MVB12B: variants seen among roughly 807,000 people sequenced by gnomAD.
MVB12B encodes the protein multivesicular body subunit 12B.
MVB12B carries 16 observed loss-of-function variants against 41.6 expected under a neutral mutation model. That is an observed-to-expected ratio of 0.38 (90% CI 0.26 to 0.58). MVB12B has a LOEUF of 0.58. Among genes scored for constraint, MVB12B ranks in the 20% least tolerant of loss-of-function variants. MVB12B has a pLI of 0.62. For synonymous variants in MVB12B, 133 were observed against 139.7 expected, an observed-to-expected ratio of 0.95 and a Z score of 0.34; for missense variants, 274 against 380.2, an observed-to-expected ratio of 0.72 and a Z score of 2.32.
intron 7 of MVB12B, among the ~76,000 whole-genome samples, chr9:126,438,322 G>C (rs1832542573): frequency 1.3e-5 from 2 of 151,958 alleles, no homozygotes; most frequent in South Asian, 4.2e-4. Flanking sequence ...TGGTTGACTT[G>C]TCTTGATTTA....
intron 8 of MVB12B, 69 bp from the exon 9 acceptor site, chr9:126,483,904 T>C: frequency 6.6e-7 from 1 of 1,512,260 alleles, no homozygotes; most frequent in African/African-American, 1.4e-5. Flanking sequence ...ACCATTGTCA[T>C]GCATAAAAGT....
intron 1 of MVB12B, among the ~76,000 whole-genome samples, chr9:126,339,502 G>T (rs1829378254): frequency 6.6e-6 from 1 of 152,160 alleles, no homozygotes; most frequent in Admixed American, 6.5e-5. Context: ...CACTCCAGCT[G>T]CCCAGACCCA....
At chr9:126,450,825 G>A (rs10987284) in intron 7 of MVB12B, among the ~76,000 whole-genome samples, 36,783 of 152,116 alleles carry the variant, frequency 0.24, 4,546 homozygotes, top group Middle Eastern at 0.3. Flanking sequence ...AGCGGAGGCT[G>A]AAAGGGCACT....
At position 126,376,656 on chromosome 9, in the gene MVB12B, G is replaced by C. The variant is rs2118945972; in HGVS notation, c.205-4408G>C. On this transcript the variant is annotated intron_variant, in intron 2 of 9. Coordinates refer to ENST00000361171, the MANE Select transcript of MVB12B (RefSeq NM_033446.3). The surrounding 1 kb of genome is among the most constrained non-coding windows in gnomAD (Gnocchi z 4.1). ...AAGCGCGGGTGGCAGGGAGGGGCCT[G>C]CCATTGCCATTCAGTGTGTACGCTT... is the stretch of plus-strand genomic sequence containing the variant. 1.6e-6 allele frequency: 2 copies of C among 1,288,910 alleles called. No individual in the cohort carries two copies. The highest frequency in any genetic ancestry group is 1.1e-4 in the East Asian group (2 of 18,002). The allele number at this position is 1,288,910 out of a possible 1,614,324, so 79.8% of individuals were successfully genotyped here.
rs1830473857 is a variant in MVB12B, at chr9:126,376,117, A to G, written c.205-4947A>G. Among the ~76,000 whole-genome samples the G allele has an allele frequency of 6.6e-6, 1 of 151,104 alleles. No individual in the cohort carries two copies. Among genetic ancestry groups the G allele is most frequent in the Non-Finnish European group, 1.5e-5 (1 of 67,790 alleles). On this transcript the variant is annotated intron_variant, in intron 2 of 9. Transcript: ENST00000361171. This position sits in a 1 kb window ranked among gnomAD's most constrained non-coding sequence, Gnocchi z 4.1. ...CCTTCAGTTTTCATTCCTATAATTG[A>G]TCTCTTCATCTCTGTACTTTACCTT...
intron 2 of MVB12B, among the ~76,000 whole-genome samples, chr9:126,356,605 T>A (rs1399335740): frequency 6.6e-6 from 1 of 152,072 alleles, no homozygotes; most frequent in African/African-American, 2.4e-5. Flanking sequence ...TTACAATGCA[T>A]CCCTGATTTA....
intron 2 of MVB12B, among the ~76,000 whole-genome samples, chr9:126,346,059 G>A (rs144548737): frequency 3.5e-4 from 53 of 152,274 alleles, no homozygotes; most frequent in African/African-American, 7.2e-4. Context: ...TCATAGCCAC[G>A]CTAAGGAATT....
chr9:126,355,145 G>A (rs755619408), intron 2 of MVB12B, among the ~76,000 whole-genome samples: 1 of 152,152 alleles, frequency 6.6e-6, no homozygotes, highest in Non-Finnish European at 1.5e-5. Context: ...TGAAACCCAC[G>A]GCAGCTTCTT....
chr9:126,408,567 G>A (rs138517274), intron 6 of MVB12B, among the ~76,000 whole-genome samples: 19 of 152,006 alleles, frequency 1.2e-4, no homozygotes, highest in Admixed American at 3.9e-4. Context: ...AAGTGAACCC[G>A]TCACAGGCTT....
intron 9 of MVB12B, among the ~76,000 whole-genome samples, chr9:126,497,482 C>T (rs1021884761): frequency 6.6e-6 from 1 of 152,104 alleles, no homozygotes; most frequent in Non-Finnish European, 1.5e-5. Context: ...CATGGGACCT[C>T]GGCTCACTCC....
chr9:126,442,328 C>T (rs1433811119), intron 7 of MVB12B, among the ~76,000 whole-genome samples: 1 of 152,156 alleles, frequency 6.6e-6, no homozygotes, highest in Non-Finnish European at 1.5e-5. Context: ...CTCAGGCTGA[C>T]ATATGCTTCC....
At chr9:126,472,564 T>C (rs1833337753) in intron 7 of MVB12B, among the ~76,000 whole-genome samples, 1 of 152,040 alleles carries the variant, frequency 6.6e-6, no homozygotes, top group Non-Finnish European at 1.5e-5. Context: ...TGTTTAAACC[T>C]TGTAGAATCT....
At chr9:126,441,022 T>C (rs1208259931) in intron 7 of MVB12B, among the ~76,000 whole-genome samples, 1 of 152,256 alleles carries the variant, frequency 6.6e-6, no homozygotes, top group African/African-American at 2.4e-5. Flanking sequence ...GGCTGAGGCC[T>C]GCCAACTAGG....
rs1277658877 is a variant in MVB12B, at chr9:126,378,688, A to G, written c.205-2376A>G. Among the ~76,000 whole-genome samples, 4 of 150,466 alleles carry G rather than the reference A, an allele frequency of 2.7e-5. No homozygotes were observed. In the East Asian group the frequency reaches 5.9e-4, roughly 22 times the overall value. ...CCCACCTCACCTCCCTGGGCCCTTCATGATGCCTTTACACACTTCCACGTC... is the reference window on the plus strand; with the variant it reads ...CCCACCTCACCTCCCTGGGCCCTTCGTGATGCCTTTACACACTTCCACGTC... On this transcript the variant is annotated intron_variant, in intron 2 of 9. Coordinates refer to ENST00000361171, the MANE Select transcript of MVB12B (RefSeq NM_033446.3).
chr9:126,503,212 C>T lies in MVB12B; in HGVS notation c.909C>T (p.Ala303=), dbSNP rs766383142. 2.6e-5 allele frequency: 41 copies of T among 1,550,662 alleles called. No individual in the cohort carries two copies. Among genetic ancestry groups the T allele is most frequent in the Non-Finnish European group, 3.2e-5 (37 of 1,147,094 alleles). Residue 303 remains alanine (A), a synonymous_variant, in exon 10 of 10, where the codon GCC becomes GCT. Coordinates refer to ENST00000361171, the MANE Select transcript of MVB12B (RefSeq NM_033446.3). ...EYSFRTEQSA[A]ARLPPSPTRC... ...GCTTCCGCACAGAGCAGAGCGCAGC[C>T]GCCAGGCTCCCGCCCAGCCCCACCA... is the stretch of plus-strand genomic sequence containing the variant.
At chr9:126,491,332 G>C (rs147155349) in intron 9 of MVB12B, among the ~76,000 whole-genome samples, 89 of 152,292 alleles carry the variant, frequency 5.8e-4, no homozygotes, top group South Asian at 2.3e-3. Flanking sequence ...AAATGGCAGC[G>C]TCCCAATTTT....
At position 126,391,437 on chromosome 9, in the gene MVB12B, T is replaced by A. The variant is rs549307594; in HGVS notation, c.410-629T>A. On this transcript the variant is annotated intron_variant, in intron 4 of 9. Coordinates refer to ENST00000361171, the MANE Select transcript of MVB12B (RefSeq NM_033446.3). The surrounding 1 kb of genome is among the most constrained non-coding windows in gnomAD (Gnocchi z 4.4). Reference sequence around the variant, plus strand: ...ACGTGGATGTAGACTCTCTGTTGGATGATACTCAGGAATTCTGTTCGTTTT... The same window carrying A: ...ACGTGGATGTAGACTCTCTGTTGGAAGATACTCAGGAATTCTGTTCGTTTT... Among the ~76,000 whole-genome samples, 157 of 152,358 alleles carry A rather than the reference T, an allele frequency of 1.0e-3. No homozygotes were observed. The highest frequency in any genetic ancestry group is 1.2e-3 in the Non-Finnish European group (85 of 68,038).
intron 7 of MVB12B, among the ~76,000 whole-genome samples, chr9:126,451,187 G>A (rs181540359): frequency 4.6e-5 from 7 of 152,316 alleles, no homozygotes; most frequent in African/African-American, 1.4e-4. Context: ...AGGGAGTCAG[G>A]CCCTTCACCA....
chr9:126,428,621 G>A (rs1183011908), intron 7 of MVB12B, among the ~76,000 whole-genome samples: 3 of 152,172 alleles, frequency 2.0e-5, no homozygotes, highest in Non-Finnish European at 2.9e-5. Context: ...CTTGAGAAGC[G>A]CTGTTCTCTC....
Sources: allele counts gnomAD v4.1 joint callset (sites outside exome capture counted in the v4.1 genomes callset), GRCh38; gene constraint gnomAD v4.1.1; non-coding constraint Gnocchi (gnomAD v3.1); transcripts MANE v1.5; gene names NCBI Gene and HGNC (gene_info 2026-07-23, HGNC 2026-07-21).